ZEB1: variants seen among roughly 807,000 people sequenced by gnomAD.
The protein encoded by ZEB1 is zinc finger E-box-binding homeobox 1.
Under a neutral mutation model 84.9 loss-of-function variants are expected in ZEB1, and 21 were observed. That is an observed-to-expected ratio of 0.25 (90% confidence interval 0.18 to 0.36). The LOEUF (loss-of-function observed/expected upper bound fraction) is 0.36, where lower values mean the gene tolerates loss of function less well. Ranked by LOEUF, ZEB1 falls within the 10% of genes least tolerant of loss-of-function variation. The pLI is 1.00. For missense variants in ZEB1, 1,104 were observed against 1,330.2 expected, an observed-to-expected ratio of 0.83 and a Z score of 2.65; for synonymous variants, 420 against 471.1, an observed-to-expected ratio of 0.89 and a Z score of 1.41.
At chr10:31,361,316 C>G (rs2043026852) in intron 1 of ZEB1, 1 of 1,170,712 alleles carries the variant, frequency 8.5e-7, no homozygotes, top group Admixed American at 1.7e-5. Context: ...CCTCAGCCTC[C>G]TGAGTAGCTG....
rs1027441392 is a variant in ZEB1 at position 31,523,963 on chromosome 10, G to A, written c.2635G>A (p.Val879Ile). The change falls in exon 8 of 9, where the codon GTA (valine) becomes ATA (isoleucine). Residue 879 changes from valine (V) to isoleucine (I), a missense_variant. By Grantham distance (29) the Val-to-Ile change is conservative. This residue lies in a region of ZEB1 where 531 missense variants were observed against 575.2 expected (regional missense o/e 0.92). Transcript: ENST00000424869. Reference protein sequence around the residue: ...DERQDTSSEGVSNVEDQNDSD... With the variant: ...DERQDTSSEGISNVEDQNDSD... ...AAGACAAGATACTAGCTCAGAAGGA[G>A]TATCAAATGTAGAGGATCAGAATGA... The A allele has an allele frequency of 1.2e-6, 2 of 1,613,936 alleles. No individual in the cohort carries two copies. The highest frequency in any genetic ancestry group is 2.7e-5 in the African/African-American group (2 of 75,034).
chr10:31,461,667 C>T (rs2061837314), intron 2 of ZEB1, among the ~76,000 whole-genome samples: 2 of 152,114 alleles, frequency 1.3e-5, no homozygotes, highest in African/African-American at 2.4e-5. Context: ...TCTATACATA[C>T]ATCAGAATCC....
intron 3 of ZEB1, among the ~76,000 whole-genome samples, chr10:31,499,427 T>C (rs1329226288): frequency 1.3e-5 from 2 of 152,072 alleles, no homozygotes; most frequent in Non-Finnish European, 2.9e-5. Context: ...TTCTGGAAAA[T>C]TTCCAATAAC....
chr10:31,477,570 A>C (rs1449994419), intron 2 of ZEB1, among the ~76,000 whole-genome samples: 1 of 152,130 alleles, frequency 6.6e-6, no homozygotes, highest in Non-Finnish European at 1.5e-5. Context: ...AAGCAAAAAG[A>C]ACAAAGCCAG....
At position 31,514,585 on chromosome 10, in the gene ZEB1, C is replaced by G. The variant is rs1204029605; in HGVS notation, c.688-18C>G. On this transcript the variant is annotated intron_variant, in intron 5 of 8. Transcript: ENST00000424869. ...GATCTTTTGCTTTTCAAATAAAATA[C>G]CAGTTCTTTTCTTACAGAGACATGT... 23 of 1,603,558 alleles carry G rather than the reference C, an allele frequency of 1.4e-5. No individual in the cohort carries two copies. Among genetic ancestry groups the G allele is most frequent in the African/African-American group, 2.7e-5 (2 of 74,660 alleles).
At chr10:31,475,239 CCAAT>C (rs1354160370) in intron 2 of ZEB1, among the ~76,000 whole-genome samples, 1 of 151,308 alleles carries the variant, frequency 6.6e-6, no homozygotes, top group East Asian at 1.9e-4. Flanking sequence ...ACAAATTAAC[CCAAT>C]CAGACAAAAA....
chr10:31,444,887 G>C (rs949326229), intron 1 of ZEB1, among the ~76,000 whole-genome samples: 2 of 152,114 alleles, frequency 1.3e-5, no homozygotes, highest in African/African-American at 2.4e-5. Flanking sequence ...GGATTGACTT[G>C]GCGATGCAGG....
intron 2 of ZEB1, among the ~76,000 whole-genome samples, chr10:31,469,570 G>A (rs1013779163): frequency 3.0e-4 from 45 of 152,300 alleles, no homozygotes; most frequent in African/African-American, 8.7e-4. Flanking sequence ...CTACGCCCAC[G>A]GAGTCTCGCT....
chr10:31,339,495 C>T (rs530875004), intron 1 of ZEB1, among the ~76,000 whole-genome samples: 4 of 152,078 alleles, frequency 2.6e-5, no homozygotes, highest in South Asian at 2.1e-4. Context: ...TAAGGCCAGG[C>T]GCCGTGGCTC....
At position 31,520,576 on chromosome 10, in the gene ZEB1, ATGT is replaced by A. The variant is rs2072099130; in HGVS notation, c.1245_1247del (p.Asn415_Val416delinsLys). The A allele has an allele frequency of 6.2e-7, 1 of 1,613,928 alleles. No homozygotes were observed. The highest frequency in any genetic ancestry group is 2.2e-5 in the East Asian group (1 of 44,870). On this transcript the variant is annotated inframe_deletion, in exon 7 of 9. Coordinates refer to ENST00000424869, the MANE Select transcript of ZEB1 (RefSeq NM_001174096.2). The surrounding 1 kb of genome is among the most constrained non-coding windows in gnomAD (Gnocchi z 5.1). Reference sequence around the variant, plus strand: ...AGTATCAATTTAAGTGATATTCAGAATGTACTTAAAGTGGCGGTAGATGGTAAT... The same window carrying A: ...AGTATCAATTTAAGTGATATTCAGAAACTTAAAGTGGCGGTAGATGGTAAT...
At chr10:31,476,136 A>C (rs1239299076) in intron 2 of ZEB1, among the ~76,000 whole-genome samples, 2 of 145,804 alleles carry the variant, frequency 1.4e-5, no homozygotes, top group African/African-American at 2.7e-5. Context: ...GATTGAGACC[A>C]AAAAAAAATG....
chr10:31,475,923 A>C (rs1353451547), intron 2 of ZEB1, among the ~76,000 whole-genome samples: 1 of 152,126 alleles, frequency 6.6e-6, no homozygotes, highest in Non-Finnish European at 1.5e-5. Context: ...GATGGGAAAA[A>C]AACACACATA....
Position 31,342,472 on chromosome 10 carries a change from G to A in ZEB1, c.58+23180G>A, listed in dbSNP as rs531217786. 3.3e-5 allele frequency among the ~76,000 whole-genome samples: 5 copies of A among 152,168 alleles called. No individual in the cohort carries two copies. In the East Asian group the frequency reaches 9.6e-4, roughly 29 times the overall value. The stretch of plus-strand genomic sequence containing the variant: ...GTGGAGGTTATGATTTTTTGAGATA[G>A]GGTTGTTCAGTGTTATGACAAAGGG... On this transcript the variant is annotated intron_variant, in intron 1 of 8. Coordinates refer to ENST00000424869, the MANE Select transcript of ZEB1 (RefSeq NM_001174096.2).
chr10:31,394,242 A>G (rs2135320488), intron 1 of ZEB1, among the ~76,000 whole-genome samples: 1 of 152,324 alleles, frequency 6.6e-6, no homozygotes, highest in Middle Eastern at 3.4e-3. Context: ...AGGAAGAAGA[A>G]CAAAACACAT....
Position 31,446,846 on chromosome 10 carries a change from T to G in ZEB1, c.59-14191T>G, listed in dbSNP as rs2136852865. ...CTTTACTTCCAAGTATGTGGTCAAT[T>G]TTGGAATAGGTGTGGTGTGGTGCTG... is the stretch of plus-strand genomic sequence containing the variant. On this transcript the variant is annotated intron_variant, in intron 1 of 8. Coordinates refer to ENST00000424869, the MANE Select transcript of ZEB1 (RefSeq NM_001174096.2). Among the ~76,000 whole-genome samples, 3 of 151,796 alleles carry G rather than the reference T, an allele frequency of 2.0e-5. No individual in the cohort carries two copies. The East Asian group carries it at 5.8e-4, about 29-fold the overall frequency.
At chr10:31,427,685 C>G (rs2057138175) in intron 1 of ZEB1, among the ~76,000 whole-genome samples, 1 of 152,086 alleles carries the variant, frequency 6.6e-6, no homozygotes, top group South Asian at 2.1e-4. Context: ...AACCCCATCT[C>G]TACTAAAAAT....
intron 1 of ZEB1, 72 bp downstream of exon 1, chr10:31,319,364 AG>A (rs2033042991): frequency 1.4e-6 from 2 of 1,460,204 alleles, no homozygotes; most frequent in Non-Finnish European, 1.9e-6. Context: ...CCCGGGGGTG[AG>A]GGGGGCGAGC....
intron 2 of ZEB1, among the ~76,000 whole-genome samples, chr10:31,493,136 C>A (rs1591827366): frequency 6.6e-6 from 1 of 151,940 alleles, no homozygotes; most frequent in South Asian, 2.1e-4. Flanking sequence ...TTGCCGCATT[C>A]CTTACCCCTG....
chr10:31,381,012 CATG>C (rs1564655305), intron 1 of ZEB1, among the ~76,000 whole-genome samples: 1 of 152,116 alleles, frequency 6.6e-6, no homozygotes, highest in African/African-American at 2.4e-5. Context: ...CCTCAAAGAA[CATG>C]ATACTTCATT....
Sources: gnomAD v4.1 joint callset for allele counts (sites outside exome capture counted in the v4.1 genomes callset) on GRCh38, gnomAD v4.1.1 for gene constraint, gnomAD v4.1.1 regional missense constraint, Gnocchi (gnomAD v3.1) non-coding constraint, MANE v1.5 for transcripts, NCBI Gene and HGNC (gene_info 2026-07-23, HGNC 2026-07-21) for gene names.